Variants in TSPAN9 observed in about 807,000 individuals in gnomAD.
TSPAN9 encodes tetraspanin 9.
Under a neutral mutation model 31.0 loss-of-function variants are expected in TSPAN9, and 16 were observed. The observed-to-expected ratio is 0.52, with a 90% confidence interval of 0.35 to 0.78. TSPAN9 has a LOEUF of 0.78. Ranked by LOEUF, TSPAN9 falls within the 30% of genes least tolerant of loss-of-function variation. The pLI is 0.01. For missense variants in TSPAN9, 272 were observed against 312.5 expected (o/e 0.87, Z 0.98); for synonymous variants, 145 against 121.6 (o/e 1.19, Z -1.27).
chr12:3,262,950 G>C (rs1207830648), intron 3 of TSPAN9, among the ~76,000 whole-genome samples: 1 of 152,186 alleles, frequency 6.6e-6, no homozygotes. Flanking sequence ...TCCTTAACCA[G>C]GGCCTTTGAC....
chr12:3,149,703 G>A (rs918669939), intron 2 of TSPAN9: 2 of 152,212 alleles, frequency 1.3e-5, no homozygotes, highest in Admixed American at 1.3e-4. Flanking sequence ...CCAAGTAATA[G>A]CCACCAGTGA....
rs1428130297 is a variant in TSPAN9, at chr12:3,178,948, G to T, written c.-17-22229G>T. 2.6e-5 allele frequency among the ~76,000 whole-genome samples: 4 copies of T among 152,200 alleles called. No individual in the cohort carries two copies. In the East Asian group the frequency reaches 7.7e-4, roughly 29 times the overall value. ...CCCCTTGGTCCCCATCACATGTGGG[G>T]ATCTGGTTGCTTATTCTCTGATGTG... On this transcript the variant is annotated intron_variant, in intron 2 of 8. Transcript: ENST00000011898.
At chr12:3,160,274 T>C (rs552073174) in intron 2 of TSPAN9, among the ~76,000 whole-genome samples, 1 of 152,386 alleles carries the variant, frequency 6.6e-6, no homozygotes, top group African/African-American at 2.4e-5. Flanking sequence ...CATATGCCAG[T>C]ACTTCATTCC....
At chr12:3,116,535 C>T (rs538441279) in intron 2 of TSPAN9, among the ~76,000 whole-genome samples, 100 of 152,248 alleles carry the variant, frequency 6.6e-4, no homozygotes, top group African/African-American at 2.1e-3. Flanking sequence ...TCACGCAGCT[C>T]GGCAGGGCTT....
intron 2 of TSPAN9, among the ~76,000 whole-genome samples, chr12:3,112,906 C>A (rs1023409375): frequency 2.0e-5 from 3 of 152,070 alleles, no homozygotes; most frequent in Non-Finnish European, 2.9e-5. Flanking sequence ...GTCTCGAACT[C>A]CTGGCTCCTG....
At chr12:3,114,584 C>CT (rs1393041661) in intron 2 of TSPAN9, among the ~76,000 whole-genome samples, 1 of 152,042 alleles carries the variant, frequency 6.6e-6, no homozygotes, top group Non-Finnish European at 1.5e-5. Flanking sequence ...GGCATGGTGG[C>CT]TCACACCCAG....
At chr12:3,118,638 C>T (rs1463974411) in intron 2 of TSPAN9, among the ~76,000 whole-genome samples, 1 of 151,944 alleles carries the variant, frequency 6.6e-6, no homozygotes, top group Non-Finnish European at 1.5e-5. Flanking sequence ...GGAAACATTC[C>T]TCTCAGCTCA....
rs1565610722 is a variant in TSPAN9, at chr12:3,198,834, GT to G, written c.-17-2342del. Among the ~76,000 whole-genome samples the G allele has an allele frequency of 7.8e-4, 45 of 57,720 alleles. 6 individuals carry two copies. Among genetic ancestry groups the G allele is most frequent in the Admixed American group, 1.1e-3 (6 of 5,616 alleles). 37.9% of individuals were successfully genotyped at this position (57,720 alleles called of 152,430 possible). On this transcript the variant is annotated intron_variant, in intron 2 of 8. Coordinates refer to ENST00000011898, the MANE Select transcript of TSPAN9 (RefSeq NM_006675.5). Reference sequence around the variant, plus strand: ...CCAGCACAGCTCACCACCAGCACAGGTCACACCAGCACAGGTCACCACCAGC... The same window carrying G: ...CCAGCACAGCTCACCACCAGCACAGGCACACCAGCACAGGTCACCACCAGC...
In TSPAN9 at chr12:3,147,251, A is replaced by C. The variant is rs542546508; in HGVS notation, c.-17-53926A>C. Among the ~76,000 whole-genome samples the C allele has an allele frequency of 6.6e-5, 10 of 152,134 alleles. No homozygotes were observed. The highest frequency in any genetic ancestry group is 1.5e-4 in the Non-Finnish European group (10 of 68,032). ...GAGGAGCTGCTGGGCAGCAGGAGGC[A>C]GGGACCACGGTCCCTGCCCTGGGAT... On this transcript the variant is annotated intron_variant, in intron 2 of 8. Coordinates refer to ENST00000011898, the MANE Select transcript of TSPAN9 (RefSeq NM_006675.5). This position sits in a 1 kb window ranked among gnomAD's most constrained non-coding sequence, Gnocchi z 4.3.
intron 2 of TSPAN9, among the ~76,000 whole-genome samples, chr12:3,137,392 A>T (rs918004560): frequency 1.3e-5 from 2 of 151,144 alleles, no homozygotes; most frequent in African/African-American, 4.9e-5. Context: ...CACTGTCCTG[A>T]CTCCTCGCCC....
rs574165376 is a variant in TSPAN9, at chr12:3,251,473, A to C, written c.64-26948A>C. ...TTTTTTCAAAAGTTCTTTTTTCAAA[A>C]GTTGATTTCTGATTATAAAACTAGT... On this transcript the variant is annotated intron_variant, in intron 3 of 8. Transcript: ENST00000011898. Among the ~76,000 whole-genome samples, 4 of 152,334 alleles carry C rather than the reference A, an allele frequency of 2.6e-5. No homozygotes were observed. In the South Asian group the frequency reaches 8.3e-4, roughly 32 times the overall value.
intron 2 of TSPAN9, among the ~76,000 whole-genome samples, chr12:3,121,644 C>T (rs2098325219): frequency 7.0e-6 from 1 of 143,478 alleles, no homozygotes; most frequent in South Asian, 2.2e-4. Flanking sequence ...TCCCAAAGTG[C>T]TAGGGTTATA....
intron 3 of TSPAN9, among the ~76,000 whole-genome samples, chr12:3,246,354 C>G (rs1862127262): frequency 6.6e-6 from 1 of 152,128 alleles, no homozygotes; most frequent in African/African-American, 2.4e-5. Flanking sequence ...TATCCAAACT[C>G]TATCACCCTC....
chr12:3,271,888 G>T (rs536744642), intron 3 of TSPAN9, among the ~76,000 whole-genome samples: 2 of 152,342 alleles, frequency 1.3e-5, no homozygotes, highest in South Asian at 4.1e-4. Context: ...TCCCCATGAT[G>T]AAGTTCTTGG....
At chr12:3,195,703 C>T (rs1253008653) in intron 2 of TSPAN9, among the ~76,000 whole-genome samples, 1 of 152,222 alleles carries the variant, frequency 6.6e-6, no homozygotes, top group African/African-American at 2.4e-5. Flanking sequence ...TCCTAGGGCA[C>T]CGGTTAATCA....
At position 3,147,512 on chromosome 12, in the gene TSPAN9, T is replaced by G. The variant is rs2098337817; in HGVS notation, c.-17-53665T>G. On this transcript the variant is annotated intron_variant, in intron 2 of 8. Transcript: ENST00000011898. This position sits in a 1 kb window ranked among gnomAD's most constrained non-coding sequence, Gnocchi z 4.3. ...ATCGCCCCCACCTTCCCTGCCCACT[T>G]CCAGATTCAGTTTGAGCCACCTAGG... is the stretch of plus-strand genomic sequence containing the variant. Among the ~76,000 whole-genome samples the G allele has an allele frequency of 6.6e-6, 1 of 151,860 alleles. No individual in the cohort carries two copies. The highest frequency in any genetic ancestry group is 2.1e-4 in the South Asian group (1 of 4,812).
At chr12:3,249,254 G>A (rs993047264) in intron 3 of TSPAN9, among the ~76,000 whole-genome samples, 7 of 152,094 alleles carry the variant, frequency 4.6e-5, no homozygotes, top group African/African-American at 1.7e-4. Context: ...GGCACCCCGC[G>A]GGTGGTCAGA....
At chr12:3,211,369 A>C (rs796684975) in intron 3 of TSPAN9, among the ~76,000 whole-genome samples, 6 of 152,202 alleles carry the variant, frequency 3.9e-5, no homozygotes, top group African/African-American at 1.4e-4. Context: ...CATTACTACA[A>C]CTTTATAATA....
chr12:3,094,858 TTTTTTTTTTTTG>T (rs1377364971), intron 2 of TSPAN9, among the ~76,000 whole-genome samples: 6 of 142,100 alleles, frequency 4.2e-5, no homozygotes, highest in African/African-American at 1.6e-4. Context: ...TTTTTTTTTT[TTTTTTTTTTTTG>T]TTTTTAAATT....
Sources: allele counts gnomAD v4.1 joint callset (sites outside exome capture counted in the v4.1 genomes callset), GRCh38; gene constraint gnomAD v4.1.1; non-coding constraint Gnocchi (gnomAD v3.1); transcripts MANE v1.5; gene names NCBI Gene and HGNC (gene_info 2026-07-23, HGNC 2026-07-21).